Variants in LYPLA1 observed in about 807,000 individuals in gnomAD.
LYPLA1 encodes the protein acyl-protein thioesterase 1.
A neutral mutation model predicts 34.0 loss-of-function variants in LYPLA1; 17 were observed. The ratio of observed to expected loss-of-function variants is 0.50; its 90% CI spans 0.34 to 0.75. The LOEUF (loss-of-function observed/expected upper bound fraction) is 0.75, where lower values mean the gene tolerates loss of function less well. LYPLA1 is among the 30% of genes least tolerant of loss of function. LYPLA1 has a pLI of 0.01. For synonymous variants in LYPLA1, 98 were observed against 100.8 expected (o/e 0.97, Z 0.17); for missense variants, 203 against 288.8 (o/e 0.70, Z 2.15).
intron 2 of LYPLA1, among the ~76,000 whole-genome samples, chr8:54,068,455 T>C (rs183439349): frequency 2.6e-5 from 4 of 152,330 alleles, no homozygotes; most frequent in Admixed American, 2.6e-4. Context: ...TCACACTTCT[T>C]AATCTCAAAA....
At chr8:54,053,322 G>A in intron 6 of LYPLA1, 1 of 246,138 alleles carries the variant, frequency 4.1e-6, no homozygotes, top group South Asian at 5.1e-5. Context: ...TCAAACTCCC[G>A]ACCTCAGGTG....
At chr8:54,070,208 G>A (rs1222365833) in intron 2 of LYPLA1, among the ~76,000 whole-genome samples, 2 of 152,150 alleles carry the variant, frequency 1.3e-5, no homozygotes, top group Admixed American at 6.5e-5. Context: ...CCAGCTACTC[G>A]GGAGGCTGAG....
chr8:54,094,951 G>A (rs371692531), intron 2 of LYPLA1, among the ~76,000 whole-genome samples: 1 of 152,050 alleles, frequency 6.6e-6, no homozygotes, highest in Non-Finnish European at 1.5e-5. Flanking sequence ...AAACAAATGA[G>A]TATCTACATA....
At chr8:54,084,518 T>C (rs961469535) in intron 2 of LYPLA1, among the ~76,000 whole-genome samples, 5 of 150,780 alleles carry the variant, frequency 3.3e-5, no homozygotes, top group South Asian at 2.1e-4. Context: ...TAGCAGTGAG[T>C]TGAGATTGAG....
Position 54,078,778 on chromosome 8 carries a change from T to C in LYPLA1, c.102-12965A>G, listed in dbSNP as rs558431788. Among the ~76,000 whole-genome samples, 31 of 152,240 alleles carry C rather than the reference T, an allele frequency of 2.0e-4. 1 individual carries two copies. The South Asian group carries it at 6.2e-3, about 31-fold the overall frequency. Reference sequence around the variant, plus strand: ...GAGACAAGATTATAGATTCTGTAGATAGAAACACCTTCTACCATCTGCTAA... The same window carrying C: ...GAGACAAGATTATAGATTCTGTAGACAGAAACACCTTCTACCATCTGCTAA... On this transcript the variant is annotated intron_variant, in intron 2 of 8. Transcript: ENST00000316963.
chr8:54,063,421 A>G, intron 3 of LYPLA1, 46 bp from the exon 4 acceptor site: 3 of 1,181,882 alleles, frequency 2.5e-6, no homozygotes, highest in Non-Finnish European at 3.6e-6. Flanking sequence ...ACAAAGCATA[A>G]AAACTGATAA....
chr8:54,096,758 A>C (rs1321710175), intron 2 of LYPLA1, among the ~76,000 whole-genome samples: 1 of 151,718 alleles, frequency 6.6e-6, no homozygotes, highest in African/African-American at 2.4e-5. Flanking sequence ...AAAAAAAAAA[A>C]ATTAGCCGGG....
intron 5 of LYPLA1, among the ~76,000 whole-genome samples, chr8:54,060,991 G>A (rs1016878465): frequency 3.3e-5 from 5 of 151,638 alleles, no homozygotes; most frequent in African/African-American, 1.2e-4. Flanking sequence ...CACCGCACTT[G>A]ACCACATTTT....
chr8:54,100,673 A>G, intron 2 of LYPLA1: 2 of 507,292 alleles, frequency 3.9e-6, no homozygotes, highest in South Asian at 4.6e-5. Flanking sequence ...ACTAATGAGG[A>G]ATTTGAAATT....
intron 2 of LYPLA1, among the ~76,000 whole-genome samples, chr8:54,090,654 A>AC (rs969579460): frequency 4.0e-5 from 6 of 151,270 alleles, no homozygotes; most frequent in African/African-American, 7.3e-5. Context: ...GAAGACAGTG[A>AC]CCCCCCTGGA....
chr8:54,087,876 A>G (rs1316078889), intron 2 of LYPLA1, among the ~76,000 whole-genome samples: 1 of 152,232 alleles, frequency 6.6e-6, no homozygotes, highest in Non-Finnish European at 1.5e-5. Context: ...CTGTGTCACG[A>G]GAGTACACCG....
At chr8:54,091,561 A>G (rs986827537) in intron 2 of LYPLA1, among the ~76,000 whole-genome samples, 1 of 132,158 alleles carries the variant, frequency 7.6e-6, no homozygotes, top group Non-Finnish European at 1.5e-5. Flanking sequence ...GAAGAAAGGA[A>G]GGAAGGAAAG....
chr8:54,060,689 CTTTTTTTTT>C (rs761596145), intron 5 of LYPLA1, among the ~76,000 whole-genome samples: 1 of 123,484 alleles, frequency 8.1e-6, no homozygotes, highest in Non-Finnish European at 1.6e-5. Flanking sequence ...TTTTTTCTTC[CTTTTTTTTT>C]TTTTTTTTTT....
chr8:54,095,034 ATT>A (rs36051350), intron 2 of LYPLA1, among the ~76,000 whole-genome samples: 8 of 146,598 alleles, frequency 5.5e-5, no homozygotes, highest in African/African-American at 2.0e-4. Flanking sequence ...GAATAAAGGA[ATT>A]TTTTTTTTTT....
At chr8:54,050,875 A>T (rs1805792869) in intron 8 of LYPLA1, 137 bp downstream of exon 8, 1 of 826,358 alleles carries the variant, frequency 1.2e-6, no homozygotes, top group Non-Finnish European at 1.9e-6. Context: ...ATACACACTC[A>T]TCTAATGACT....
In LYPLA1 at chr8:54,053,089, G is replaced by T. The variant is rs904510110; in HGVS notation, c.361-333C>A. ...TAAAATCCAATCTGCTCTTAAATTG[G>T]TATTACTTTTTTTTTTTTTTTTGAG... On this transcript the variant is annotated intron_variant, in intron 6 of 8. Transcript: ENST00000316963. The T allele has an allele frequency of 7.1e-5, 15 of 212,170 alleles. No homozygotes were observed. In the South Asian group the frequency reaches 1.1e-3, roughly 16 times the overall value. 13.1% of individuals were successfully genotyped at this position (212,170 alleles called of 1,614,324 possible).
At chr8:54,101,567 G>A in intron 1 of LYPLA1, 188 bp downstream of exon 1, 2 of 1,150,364 alleles carry the variant, frequency 1.7e-6, no homozygotes, top group Non-Finnish European at 2.1e-6. Context: ...CCTCGCGCCG[G>A]CTGTGACCCC....
chr8:54,053,669 C>T (rs746311419), intron 6 of LYPLA1: 5 of 456,128 alleles, frequency 1.1e-5, no homozygotes, highest in Non-Finnish European at 2.2e-5. Flanking sequence ...GTGGCTACAC[C>T]TGTAACATGT....
intron 2 of LYPLA1, among the ~76,000 whole-genome samples, chr8:54,082,759 C>T (rs1309847089): frequency 1.3e-5 from 2 of 152,148 alleles, no homozygotes; most frequent in East Asian, 3.8e-4. Context: ...CGGAGTCTCG[C>T]TCTCTTGCCC....
Sources: allele counts gnomAD v4.1 joint callset (sites outside exome capture counted in the v4.1 genomes callset), GRCh38; gene constraint gnomAD v4.1.1; transcripts MANE v1.5; gene names NCBI Gene and HGNC (gene_info 2026-07-23, HGNC 2026-07-21).